Variants in FAM227B observed in about 807,000 individuals in gnomAD.
The protein encoded by FAM227B is family with sequence similarity 227 member B.
FAM227B carries 88 observed loss-of-function variants against 73.8 expected under a neutral mutation model. The observed-to-expected ratio is 1.19, with a 90% CI of 1.00 to 1.42. The LOEUF (loss-of-function observed/expected upper bound fraction) is 1.42. Among genes scored for constraint, FAM227B ranks in the 40% most tolerant of loss-of-function variants. FAM227B has a pLI of 0.00. For missense variants in FAM227B, 632 were observed against 590.9 expected (o/e 1.07, Z -0.72); for synonymous variants, 210 against 190.5 (o/e 1.10, Z -0.84).
chr15:49,457,828 T>C (rs1008111409), intron 11 of FAM227B, among the ~76,000 whole-genome samples: 5 of 151,960 alleles, frequency 3.3e-5, no homozygotes, highest in African/African-American at 1.2e-4. Context: ...AGTTAAATGG[T>C]ATACTTTTGG....
Position 49,588,057 on chromosome 15 carries a change from C to T in FAM227B, c.364G>A (p.Gly122Arg). ...TTATGGTACTTCTTTAGAAATTCCCCATATCGTTCCAATTTTCTATAAGAA... is the reference window on the plus strand; with the variant it reads ...TTATGGTACTTCTTTAGAAATTCCCTATATCGTTCCAATTTTCTATAAGAA... The part of the protein sequence containing the change: ...TSSYRKLERY[G>R]EFLKKYHKKK... The change falls in exon 5 of 16, where the codon GGG becomes AGG. Residue 122 changes from glycine (G) to arginine (R), a missense_variant. Transcript: ENST00000299338. 2 of 1,421,780 alleles carry T rather than the reference C, an allele frequency of 1.4e-6. No homozygotes were observed. The highest frequency in any genetic ancestry group is 1.5e-5 in the African/African-American group (1 of 68,744). 88.1% of individuals were successfully genotyped at this position (1,421,780 alleles called of 1,614,324 possible).
chr15:49,347,754 C>T (rs1371475901), intron 13 of FAM227B, among the ~76,000 whole-genome samples: 1 of 152,098 alleles, frequency 6.6e-6, no homozygotes, highest in Non-Finnish European at 1.5e-5. Context: ...CATGGTGGCT[C>T]ACGCCAGTAA....
chr15:49,576,897 T>C (rs978619545), intron 6 of FAM227B, 52 bp from the exon 7 acceptor site: 3 of 1,014,520 alleles, frequency 3.0e-6, no homozygotes, highest in Admixed American at 2.2e-5. Context: ...CTTCTCACTA[T>C]AGTAGACTCA....
Position 49,587,996 on chromosome 15 carries a change from T to C in FAM227B, c.405+20A>G. The C allele has an allele frequency of 7.1e-7, 1 of 1,416,272 alleles. No individual in the cohort carries two copies. Among genetic ancestry groups the C allele is most frequent in the South Asian group, 1.5e-5 (1 of 64,918 alleles). The allele number at this position is 1,416,272 out of a possible 1,614,324, so 87.7% of individuals were successfully genotyped here. On this transcript the variant is annotated intron_variant, in intron 5 of 15. Coordinates refer to ENST00000299338, the MANE Select transcript of FAM227B (RefSeq NM_152647.3). ...GTGAAAATCCAACTTTCAAGGATGATAAAAACATAGATACCATACCATTAT... is the reference window on the plus strand; with the variant it reads ...GTGAAAATCCAACTTTCAAGGATGACAAAAACATAGATACCATACCATTAT...
intron 11 of FAM227B, among the ~76,000 whole-genome samples, chr15:49,497,834 T>C (rs551130405): frequency 6.6e-6 from 1 of 152,356 alleles, no homozygotes; most frequent in South Asian, 2.1e-4. Flanking sequence ...GTTTAGAAAT[T>C]CTGGCCCATT....
intron 9 of FAM227B, among the ~76,000 whole-genome samples, chr15:49,557,999 A>G (rs561849653): frequency 6.6e-6 from 1 of 151,960 alleles, no homozygotes; most frequent in South Asian, 2.1e-4. Flanking sequence ...CCCCACCCCA[A>G]CCTGAACCTG....
At chr15:49,359,770 C>T (rs2043848799) in intron 13 of FAM227B, among the ~76,000 whole-genome samples, 2 of 135,874 alleles carry the variant, frequency 1.5e-5, no homozygotes, top group Non-Finnish European at 3.2e-5. Flanking sequence ...AATCATGCTG[C>T]TATAAAGACA....
chr15:49,506,577 G>C (rs1263355749), intron 11 of FAM227B, among the ~76,000 whole-genome samples: 2 of 151,700 alleles, frequency 1.3e-5, no homozygotes, highest in African/African-American at 4.8e-5. Flanking sequence ...CGTTGCAAAA[G>C]ATCATACAGA....
At chr15:49,618,959 G>T (rs1056914792) in intron 1 of FAM227B, among the ~76,000 whole-genome samples, 1 of 152,080 alleles carries the variant, frequency 6.6e-6, no homozygotes, top group African/African-American at 2.4e-5. Context: ...AGTTAAAGTG[G>T]GGGCCTTGGG....
chr15:49,585,647 A>T (rs1173653846), intron 5 of FAM227B, among the ~76,000 whole-genome samples: 1 of 152,040 alleles, frequency 6.6e-6, no homozygotes, highest in Non-Finnish European at 1.5e-5. Context: ...AACAATGAGA[A>T]CACATGGACA....
chr15:49,576,515 A>G (rs1042707952), intron 7 of FAM227B: 4 of 393,248 alleles, frequency 1.0e-5, no homozygotes, highest in African/African-American at 2.1e-5. Flanking sequence ...ATGCCAAGCC[A>G]GTGTACGCTA....
In FAM227B at chr15:49,444,736, T is replaced by C. The variant is rs2052020261; in HGVS notation, c.1012+63475A>G. 2.0e-5 allele frequency among the ~76,000 whole-genome samples: 3 copies of C among 151,622 alleles called. 1 individual carries two copies. In the South Asian group the frequency reaches 6.2e-4, roughly 31 times the overall value. On this transcript the variant is annotated intron_variant, in intron 11 of 15. Transcript: ENST00000299338. ...GTCTGTCTCAAAGGCTAGAAATAAA[T>C]TGCAAATATCTCCAGCTTTTTAAAT...
chr15:49,479,599 GTTTTTTTTTTTTTTTTT>G (rs56097665), intron 11 of FAM227B, among the ~76,000 whole-genome samples: 1 of 63,292 alleles, frequency 1.6e-5, no homozygotes, highest in Non-Finnish European at 2.8e-5. Context: ...TAATACCTCT[GTTTTTTTTTTTTTTTTT>G]TTTTTTTTTT....
intron 13 of FAM227B, among the ~76,000 whole-genome samples, chr15:49,355,759 G>A (rs1332595609): frequency 6.6e-6 from 1 of 151,628 alleles, no homozygotes; most frequent in East Asian, 1.9e-4. Context: ...GATACTCCTC[G>A]AGAAGAGCAA....
chr15:49,612,038 T>C (rs1052437641), intron 2 of FAM227B, among the ~76,000 whole-genome samples: 8 of 151,998 alleles, frequency 5.3e-5, no homozygotes, highest in African/African-American at 1.7e-4. Context: ...ATTTTCTTTT[T>C]TTTTTTTTTT....
At chr15:49,605,582 T>C (rs1181949953) in intron 3 of FAM227B, among the ~76,000 whole-genome samples, 1 of 151,706 alleles carries the variant, frequency 6.6e-6, no homozygotes, top group East Asian at 1.9e-4. Flanking sequence ...CTTGTGGGGT[T>C]TGGCTTTAAG....
At chr15:49,428,634 G>A (rs1405259769) in intron 11 of FAM227B, among the ~76,000 whole-genome samples, 1 of 151,984 alleles carries the variant, frequency 6.6e-6, no homozygotes, top group African/African-American at 2.4e-5. Flanking sequence ...CTCAGTGACC[G>A]CCTTGAGAGA....
At chr15:49,479,748 G>A (rs1169664020) in intron 11 of FAM227B, among the ~76,000 whole-genome samples, 3 of 151,540 alleles carry the variant, frequency 2.0e-5, no homozygotes, top group Middle Eastern at 6.8e-3. Context: ...CGAGTAACTG[G>A]GATTACAGAC....
chr15:49,514,803 T>C lies in FAM227B; in HGVS notation c.875-6455A>G, dbSNP rs115271045. 6.1e-3 allele frequency among the ~76,000 whole-genome samples: 925 copies of C among 152,248 alleles called. 15 individuals are homozygous for C. Among genetic ancestry groups the C allele is most frequent in the African/African-American group, 0.022 (896 of 41,576 alleles). On this transcript the variant is annotated intron_variant, in intron 10 of 15. Transcript: ENST00000299338. The stretch of plus-strand genomic sequence containing the variant: ...GATTTTTCTTTTATGCACTATGCTT[T>C]TGATGTCTTAGCTAAGAAATTGTGC...
Sources: allele counts gnomAD v4.1 joint callset (sites outside exome capture counted in the v4.1 genomes callset), GRCh38; gene constraint gnomAD v4.1.1; transcripts MANE v1.5; gene names NCBI Gene and HGNC (gene_info 2026-07-23, HGNC 2026-07-21).